Variants in CNST observed in about 807,000 individuals in gnomAD.
The protein encoded by CNST is consortin, connexin sorting protein.
A neutral mutation model predicts 72.4 loss-of-function variants in CNST; 39 were observed. The ratio of observed to expected loss-of-function variants is 0.54; its 90% CI spans 0.42 to 0.70. The LOEUF (loss-of-function observed/expected upper bound fraction) is 0.70, where lower values mean the gene tolerates loss of function less well. CNST is among the 30% of genes least tolerant of loss of function. The pLI is 0.00. For synonymous variants in CNST, 332 were observed against 320.1 expected, an observed-to-expected ratio of 1.04 and a Z score of -0.40; for missense variants, 871 against 868.5, an observed-to-expected ratio of 1.00 and a Z score of -0.04.
intron 1 of CNST, among the ~76,000 whole-genome samples, chr1:246,588,234 C>A (rs1246401582): frequency 6.6e-6 from 1 of 151,960 alleles, no homozygotes; most frequent in Non-Finnish European, 1.5e-5. Context: ...TACTGAAAGG[C>A]CGTTTTACTA....
intron 2 of CNST, among the ~76,000 whole-genome samples, chr1:246,620,273 G>A (rs113226628): frequency 1.1e-4 from 1 of 8,922 alleles, no homozygotes; most frequent in Non-Finnish European, 2.8e-4. Context: ...CAGGGAGGAC[G>A]GCTTCAGTCG....
intron 2 of CNST, among the ~76,000 whole-genome samples, chr1:246,604,044 C>A (rs1471342028): frequency 6.6e-6 from 1 of 152,144 alleles, no homozygotes; most frequent in East Asian, 1.9e-4. Context: ...GCCAACTGGC[C>A]AACACGGTGA....
At chr1:246,591,472 G>A in intron 1 of CNST, 40 bp from the exon 2 acceptor site, 1 of 1,370,836 alleles carries the variant, frequency 7.3e-7, no homozygotes, top group Non-Finnish European at 1.0e-6. Context: ...ATCTGCAAAG[G>A]TTAGAAAATG....
At chr1:246,582,632 T>G (rs936070730) in intron 1 of CNST, among the ~76,000 whole-genome samples, 1 of 152,238 alleles carries the variant, frequency 6.6e-6, no homozygotes, top group Admixed American at 6.5e-5. Flanking sequence ...TCTCAATTCC[T>G]GTACTGGGCT....
intron 10 of CNST, among the ~76,000 whole-genome samples, chr1:246,661,166 C>T (rs1286774940): frequency 6.6e-6 from 1 of 151,758 alleles, no homozygotes; most frequent in Admixed American, 6.6e-5. Context: ...GACGGGGTTT[C>T]ACCATGTTGG....
chr1:246,585,804 G>T (rs568611849), intron 1 of CNST, among the ~76,000 whole-genome samples: 11 of 151,526 alleles, frequency 7.3e-5, no homozygotes, highest in Non-Finnish European at 1.6e-4. Context: ...CCTACGCTGG[G>T]CGTGGTGGCA....
At chr1:246,628,389 GAACT>G (rs1346806845) in intron 3 of CNST, among the ~76,000 whole-genome samples, 1 of 152,134 alleles carries the variant, frequency 6.6e-6, no homozygotes, top group African/African-American at 2.4e-5. Flanking sequence ...TCGAGTGTGA[GAACT>G]AATTTTAGGA....
chr1:246,613,943 C>T (rs2103065205), intron 2 of CNST, among the ~76,000 whole-genome samples: 1 of 151,846 alleles, frequency 6.6e-6, no homozygotes. Flanking sequence ...ATCCACCTGC[C>T]TTGGCCTCCC....
At chr1:246,605,532 C>T (rs1415775550) in intron 2 of CNST, among the ~76,000 whole-genome samples, 5 of 152,194 alleles carry the variant, frequency 3.3e-5, no homozygotes, top group Non-Finnish European at 7.4e-5. Flanking sequence ...AAAATGGCGT[C>T]AGCGCCACAT....
At chr1:246,629,425 A>C (rs1664639126) in intron 3 of CNST, among the ~76,000 whole-genome samples, 1 of 152,180 alleles carries the variant, frequency 6.6e-6, no homozygotes, top group Non-Finnish European at 1.5e-5. Context: ...ACTGGGTTTC[A>C]TAACCTTCTC....
rs1395777827 is a variant in CNST at position 246,605,832 on chromosome 1, G to T, written c.379+13891G>T. 12 of 117,568 alleles carry T rather than the reference G, an allele frequency of 1.0e-4. 2 individuals carry two copies. The highest frequency in any genetic ancestry group is 3.4e-4 in the African/African-American group (12 of 35,210). The allele number at this position is 117,568 out of a possible 1,614,324, so 7.3% of individuals were successfully genotyped here. A position where few individuals can be genotyped will look rare whatever the true frequency, so the allele number is the denominator to read the frequency against. On this transcript the variant is annotated intron_variant, in intron 2 of 10. Transcript: ENST00000366513. ...TGCGTGTCTTCCAGCCGGGGTAGGTGTCTTCCGGCCGGGGTGCGTGTCTTC... is the reference window on the plus strand; with the variant it reads ...TGCGTGTCTTCCAGCCGGGGTAGGTTTCTTCCGGCCGGGGTGCGTGTCTTC...
intron 4 of CNST, among the ~76,000 whole-genome samples, chr1:246,632,654 T>C (rs1391541906): frequency 1.3e-5 from 2 of 152,208 alleles, no homozygotes; most frequent in South Asian, 2.1e-4. Flanking sequence ...CAGAGGAAGG[T>C]AGGCAGTTGG....
intron 9 of CNST, among the ~76,000 whole-genome samples, chr1:246,656,507 G>A (rs937434669): frequency 1.3e-5 from 2 of 152,086 alleles, no homozygotes; most frequent in African/African-American, 4.8e-5. Flanking sequence ...TCAATAGAAG[G>A]GCTTGGTATA....
chr1:246,634,372 A>C (rs1664992202), intron 5 of CNST, 101 bp from the exon 6 acceptor site: 1 of 653,738 alleles, frequency 1.5e-6, no homozygotes, highest in African/African-American at 1.8e-5. Flanking sequence ...ATAATTTTGC[A>C]TGCAAATCTT....
At chr1:246,648,130 T>G in intron 9 of CNST, 93 bp downstream of exon 9, 1 of 1,475,404 alleles carries the variant, frequency 6.8e-7, no homozygotes, top group Non-Finnish European at 8.9e-7. Context: ...AAGTTTTCCC[T>G]TGTCTCAAAC....
chr1:246,647,438 A>G lies in CNST; in HGVS notation c.1237A>G (p.Arg413Gly). 1 of 1,614,190 alleles carries G rather than the reference A, an allele frequency of 6.2e-7. No individual in the cohort carries two copies. Among genetic ancestry groups the G allele is most frequent in the African/African-American group, 1.3e-5 (1 of 75,054 alleles). Residue 413 changes from arginine to glycine, a missense_variant, in exon 9 of 11, where the codon AGA (arginine) becomes GGA (glycine). Arg to Gly is a moderately radical substitution (Grantham distance 125). Coordinates refer to ENST00000366513, the MANE Select transcript of CNST (RefSeq NM_152609.3). ...AACAGAGGCCTGCCAGGATGTGGCC[A>G]GAATAGAGGGCATTGCTGAAGACCC... is the stretch of plus-strand genomic sequence containing the variant. ...AQTEACQDVA[R>G]IEGIAEDPKV... is the part of the protein sequence containing the mutation.
At chr1:246,625,911 C>T (rs1041987461) in intron 3 of CNST, among the ~76,000 whole-genome samples, 2 of 152,086 alleles carry the variant, frequency 1.3e-5, no homozygotes, top group Non-Finnish European at 2.9e-5. Flanking sequence ...CCTCAGTTTT[C>T]ATCTCACTGG....
chr1:246,576,587 C>A (rs1389859824), intron 1 of CNST, among the ~76,000 whole-genome samples: 1 of 151,376 alleles, frequency 6.6e-6, no homozygotes, highest in Non-Finnish European at 1.5e-5. Context: ...CCTCTGCCTC[C>A]CAGGTTCAAG....
chr1:246,590,971 AC>A (rs991674484), intron 1 of CNST, among the ~76,000 whole-genome samples: 28 of 151,732 alleles, frequency 1.8e-4, no homozygotes, highest in African/African-American at 6.8e-4. Context: ...AATATATGCT[AC>A]CTAAACTTCC....
Sources: gnomAD v4.1 joint callset for allele counts (sites outside exome capture counted in the v4.1 genomes callset) on GRCh38, gnomAD v4.1.1 for gene constraint, MANE v1.5 for transcripts, NCBI Gene and HGNC (gene_info 2026-07-23, HGNC 2026-07-21) for gene names.